Variants in OSGEPL1 observed in about 807,000 individuals in gnomAD.
OSGEPL1 encodes O-sialoglycoprotein endopeptidase like 1.
A neutral mutation model predicts 37.2 loss-of-function variants in OSGEPL1; 26 were observed. The observed-to-expected ratio is 0.70, with a 90% CI of 0.51 to 0.97. OSGEPL1 has a LOEUF of 0.97. Ranked by LOEUF, OSGEPL1 falls within the 50% of genes least tolerant of loss-of-function variation. The pLI is 0.00. For synonymous variants in OSGEPL1, 140 were observed against 159.9 expected (o/e 0.88, Z 0.94); for missense variants, 404 against 487.0 (o/e 0.83, Z 1.60).
Position 189,754,248 on chromosome 2 carries a change from T to G in OSGEPL1, c.707A>C (p.His236Pro). ...EHLAKQGNRFHFDIKPPLHHA... is the reference protein window; with the variant it reads ...EHLAKQGNRFPFDIKPPLHHA... ...ATGCAAGGGAGGTTTGATGTCAAAA[T>G]GAAATCTATTTCCTTGTTTGGCCAA... is the stretch of plus-strand genomic sequence containing the variant. Residue 236 changes from histidine (H) to proline (P), a missense_variant, in exon 4 of 9, where the codon CAT becomes CCT. Coordinates refer to ENST00000264151, the MANE Select transcript of OSGEPL1 (RefSeq NM_022353.3). 1 of 1,613,892 alleles carries G rather than the reference T, an allele frequency of 6.2e-7. No homozygotes were observed. Among genetic ancestry groups the G allele is most frequent in the Non-Finnish European group, 8.5e-7 (1 of 1,179,828 alleles).
At chr2:189,755,618 G>C (rs2045960073) in intron 2 of OSGEPL1, 58 bp from the exon 3 acceptor site, 4 of 1,521,010 alleles carry the variant, frequency 2.6e-6, no homozygotes, top group Non-Finnish European at 3.5e-6. Flanking sequence ...GAAGAAAAAT[G>C]ATATTACAGC....
chr2:189,749,693 T>C (rs1224790929), intron 8 of OSGEPL1, among the ~76,000 whole-genome samples: 1 of 150,452 alleles, frequency 6.6e-6, no homozygotes, highest in Non-Finnish European at 1.5e-5. Flanking sequence ...AAACCTCAAA[T>C]TATATAGATT....
At chr2:189,754,686 G>A (rs972490320) in intron 3 of OSGEPL1, 8 of 218,070 alleles carry the variant, frequency 3.7e-5, no homozygotes, top group Non-Finnish European at 6.5e-5. Flanking sequence ...GGGAAGCAGT[G>A]TTTTGTTTGT....
intron 2 of OSGEPL1, among the ~76,000 whole-genome samples, chr2:189,760,381 G>A (rs1445186494): frequency 6.6e-6 from 1 of 152,090 alleles, no homozygotes; most frequent in Non-Finnish European, 1.5e-5. Context: ...GCCGGGCAGA[G>A]GCGCCCCCAC....
chr2:189,751,056 T>C (rs1020049219), intron 7 of OSGEPL1, among the ~76,000 whole-genome samples: 2 of 152,246 alleles, frequency 1.3e-5, no homozygotes, highest in Non-Finnish European at 1.5e-5. Flanking sequence ...TAGGTTTCTA[T>C]AGGTTCTTCT....
chr2:189,755,690 G>A, intron 2 of OSGEPL1, 130 bp from the exon 3 acceptor site: 2 of 980,410 alleles, frequency 2.0e-6, no homozygotes. Context: ...TTCTAATTGT[G>A]TGCCTTCTAA....
At chr2:189,749,260 A>AAAAAAAAGAT (rs1553538642) in intron 8 of OSGEPL1, among the ~76,000 whole-genome samples, 39 of 142,156 alleles carry the variant, frequency 2.7e-4, no homozygotes, top group African/African-American at 1.0e-3. Context: ...AAAAAAAAAA[A>AAAAAAAAGAT]AAAAAAAGAT....
Position 189,752,557 on chromosome 2 carries a change from C to T in OSGEPL1, c.1166+96G>A. ...TTATGTAACTTTCCTTCAAGTACCACCAGAATGTCAATGAAAACCTCATAT... is the reference window on the plus strand; with the variant it reads ...TTATGTAACTTTCCTTCAAGTACCATCAGAATGTCAATGAAAACCTCATAT... On this transcript the variant is annotated intron_variant, in intron 7 of 8. Coordinates refer to ENST00000264151, the MANE Select transcript of OSGEPL1 (RefSeq NM_022353.3). 3 of 1,160,266 alleles carry T rather than the reference C, an allele frequency of 2.6e-6. No individual in the cohort carries two copies. In the East Asian group the frequency reaches 7.1e-5, roughly 27 times the overall value. 71.9% of individuals were successfully genotyped at this position (1,160,266 alleles called of 1,614,324 possible).
In OSGEPL1 at chr2:189,752,709, T is replaced by G; in HGVS notation, c.1110A>C (p.Arg370Ser). 1 of 1,613,922 alleles carries G rather than the reference T, an allele frequency of 6.2e-7. No individual in the cohort carries two copies. The highest frequency in any genetic ancestry group is 8.5e-7 in the Non-Finnish European group (1 of 1,179,884). The change falls in exon 7 of 9, where the codon AGA (arginine) becomes AGC (serine). Residue 370 changes from arginine (R) to serine (S), a missense_variant. By Grantham distance (110) the Arg-to-Ser change is moderately radical. Coordinates refer to ENST00000264151, the MANE Select transcript of OSGEPL1 (RefSeq NM_022353.3). Reference sequence around the variant, plus strand: ...GTAAAATGCCCAAGCCAGCACGTAGTCTTTCAATACCATTCCTAAATAAGA... The same window carrying G: ...GTAAAATGCCCAAGCCAGCACGTAGGCTTTCAATACCATTCCTAAATAAGA... ...GIMIAWNGIE[R>S]LRAGLGILHD...
chr2:189,762,767 G>C lies in OSGEPL1; in HGVS notation c.-103C>G, dbSNP rs533162430. On this transcript the variant is annotated 5_prime_UTR_variant, in exon 1 of 9. Transcript: ENST00000264151. ...ACTGCCCTTATCGCTGCAGGAGAAA[G>C]CCCGAACCTGGCGCCCGGAAGTGAT... 87 of 985,506 alleles carry C rather than the reference G, an allele frequency of 8.8e-5. 1 individual carries two copies. The South Asian group carries it at 3.6e-3, about 40-fold the overall frequency. 61.0% of individuals were successfully genotyped at this position (985,506 alleles called of 1,614,324 possible).
intron 2 of OSGEPL1, among the ~76,000 whole-genome samples, chr2:189,758,173 G>A (rs1415029352): frequency 1.3e-5 from 2 of 152,046 alleles, no homozygotes; most frequent in African/African-American, 4.8e-5. Flanking sequence ...ACTTGAGGTC[G>A]GGAGTTCGAG....
intron 2 of OSGEPL1, chr2:189,761,193 A>C: frequency 3.6e-3 from 973 of 270,898 alleles, no homozygotes; most frequent in East Asian, 7.2e-3. Flanking sequence ...GAAGCTGGGA[A>C]TGAGCTCAGT....
At chr2:189,755,089 G>T in intron 3 of OSGEPL1, 84 bp downstream of exon 3, 1 of 1,465,164 alleles carries the variant, frequency 6.8e-7, no homozygotes, top group South Asian at 1.3e-5. Flanking sequence ...AAATATTTAG[G>T]TGAATGGTGG....
intron 5 of OSGEPL1, 37 bp from the exon 6 acceptor site, chr2:189,753,016 A>G (rs1378627090): frequency 6.4e-7 from 1 of 1,559,870 alleles, no homozygotes; most frequent in Non-Finnish European, 8.7e-7. Context: ...ACTATCATAT[A>G]TGGATATGAA....
chr2:189,755,192 G>A lies in OSGEPL1; in HGVS notation c.590C>T (p.Pro197Leu). ...LLLGKSLDIA[P>L]GDMLDKVARR... ...AATTACCTTGTCAAGCATGTCACCTGGTGCTATGTCCAAAGACTTTCCAAG... is the reference window on the plus strand; with the variant it reads ...AATTACCTTGTCAAGCATGTCACCTAGTGCTATGTCCAAAGACTTTCCAAG... The change falls in exon 3 of 9, where the codon CCA (proline) becomes CTA (leucine). Residue 197 changes from proline to leucine, a missense_variant. Transcript: ENST00000264151. The A allele has an allele frequency of 6.2e-7, 1 of 1,607,816 alleles. No individual in the cohort carries two copies. The highest frequency in any genetic ancestry group is 8.5e-7 in the Non-Finnish European group (1 of 1,178,504).
intron 7 of OSGEPL1, among the ~76,000 whole-genome samples, chr2:189,750,951 ATATCT>A (rs1389068252): frequency 6.6e-6 from 1 of 152,226 alleles, no homozygotes; most frequent in African/African-American, 2.4e-5. Flanking sequence ...ATAATGAAAA[ATATCT>A]TATAATTCTC....
intron 1 of OSGEPL1, among the ~76,000 whole-genome samples, chr2:189,761,999 A>T (rs1283962889): frequency 1.3e-5 from 2 of 152,212 alleles, no homozygotes; most frequent in Non-Finnish European, 2.9e-5. Context: ...TTAAGACAAA[A>T]TGTGGATTTT....
At chr2:189,760,251 C>A (rs750131788) in intron 2 of OSGEPL1, among the ~76,000 whole-genome samples, 1 of 152,158 alleles carries the variant, frequency 6.6e-6, no homozygotes, top group Non-Finnish European at 1.5e-5. Context: ...CATCATGGCC[C>A]GTTCTCAATG....
At chr2:189,750,837 G>GTC (rs1198976228) in intron 7 of OSGEPL1, among the ~76,000 whole-genome samples, 181 bp from the exon 8 acceptor site, 1 of 152,140 alleles carries the variant, frequency 6.6e-6, no homozygotes, top group Admixed American at 6.5e-5. Flanking sequence ...ATGAAAGCTA[G>GTC]TCTCATTAAT....
Sources: allele counts gnomAD v4.1 joint callset (sites outside exome capture counted in the v4.1 genomes callset), GRCh38; gene constraint gnomAD v4.1.1; transcripts MANE v1.5; gene names NCBI Gene and HGNC (gene_info 2026-07-23, HGNC 2026-07-21).